Variants in LPIN3 observed in about 807,000 individuals in gnomAD.
LPIN3 encodes lipin 3.
Under a neutral mutation model 94.7 loss-of-function variants are expected in LPIN3, and 82 were observed. That is an observed-to-expected ratio of 0.87 (90% CI 0.72 to 1.04). LPIN3 has a LOEUF of 1.04. Ranked by LOEUF, LPIN3 falls within the 50% of genes least tolerant of loss-of-function variation. The pLI is 0.00. For synonymous variants in LPIN3, 418 were observed against 443.3 expected, an observed-to-expected ratio of 0.94 and a Z score of 0.72; for missense variants, 996 against 1,090.5, an observed-to-expected ratio of 0.91 and a Z score of 1.22.
At position 41,349,180 on chromosome 20, in the gene LPIN3, T is replaced by G; in HGVS notation, c.638+8T>G. ...GTGGCCCCCCCAGGCCAGGTAAGAG[T>G]CCAGGTGGGCTGCAGGCCAGGACTC... On this transcript the variant is annotated splice_region_variant and intron_variant, in intron 5 of 19. Coordinates refer to ENST00000373257, the MANE Select transcript of LPIN3 (RefSeq NM_022896.3). The G allele has an allele frequency of 2.5e-6, 4 of 1,613,230 alleles. No homozygotes were observed. The highest frequency in any genetic ancestry group is 2.5e-6 in the Non-Finnish European group (3 of 1,179,512).
At chr20:41,345,691 C>A in intron 1 of LPIN3, 105 bp from the exon 2 acceptor site, 1 of 1,216,552 alleles carries the variant, frequency 8.2e-7, no homozygotes, top group Non-Finnish European at 1.1e-6. Context: ...CACTCCAAGG[C>A]GTGACACAAA....
At chr20:41,348,182 C>A (rs548641499) in intron 3 of LPIN3, among the ~76,000 whole-genome samples, 2 of 152,290 alleles carry the variant, frequency 1.3e-5, no homozygotes, top group South Asian at 2.1e-4. Context: ...TGACGGGTGA[C>A]CCCTGCCTTC....
At position 41,355,950 on chromosome 20, in the gene LPIN3, C is replaced by T. The variant is rs2046192678; in HGVS notation, c.1719C>T (p.Ile573=). The part of the protein sequence containing the change: ...SDDDAPDSPV[I]LEIPSLPPST... ...ACGATGCCCCAGACAGCCCTGTGAT[C>T]CTGGAGATCCCCTCCTTGCCACCCT... The change falls in exon 14 of 20, where the codon ATC becomes ATT. Residue 573 remains isoleucine, a synonymous_variant. Transcript: ENST00000373257. The T allele has an allele frequency of 6.2e-7, 1 of 1,614,018 alleles. No homozygotes were observed. The highest frequency in any genetic ancestry group is 8.5e-7 in the Non-Finnish European group (1 of 1,180,010).
chr20:41,352,530 G>T, intron 9 of LPIN3, 76 bp from the exon 10 acceptor site: 1 of 1,280,368 alleles, frequency 7.8e-7, no homozygotes, highest in South Asian at 1.2e-5. Flanking sequence ...CAGCAGAGTG[G>T]GGAGCACCAG....
intron 17 of LPIN3, 30 bp from the exon 18 acceptor site, chr20:41,358,207 C>A (rs776478655): frequency 3.7e-6 from 6 of 1,609,496 alleles, no homozygotes; most frequent in Middle Eastern, 3.3e-4. Flanking sequence ...ACTTTGGCCC[C>A]CTTCCCTGCT....
In LPIN3 at chr20:41,345,982, C is replaced by A; in HGVS notation, c.179C>A (p.Ser60Ter). 1 of 1,613,420 alleles carries A rather than the reference C, an allele frequency of 6.2e-7. No individual in the cohort carries two copies. Among genetic ancestry groups the A allele is most frequent in the South Asian group, 1.1e-5 (1 of 90,996 alleles). ...VRFGKLGVLR[S>*]REKVVDIELN... Reference sequence around the variant, plus strand: ...TTTGGCAAGCTGGGCGTCCTGCGGTCGCGGGAGAAGGTGGTGAGTGCTCAG... The same window carrying A: ...TTTGGCAAGCTGGGCGTCCTGCGGTAGCGGGAGAAGGTGGTGAGTGCTCAG... The change falls in exon 2 of 20, where the codon TCG (serine) becomes TAG (stop). Residue 60 changes from serine (S) to a stop codon, truncating the protein, a stop_gained. Coordinates refer to ENST00000373257, the MANE Select transcript of LPIN3 (RefSeq NM_022896.3). LOFTEE classifies it high-confidence loss of function.
chr20:41,357,348 T>C lies in LPIN3; in HGVS notation c.1953-13T>C, dbSNP rs1165272168. 2 of 1,613,180 alleles carry C rather than the reference T, an allele frequency of 1.2e-6. No homozygotes were observed. Among genetic ancestry groups the C allele is most frequent in the Non-Finnish European group, 1.7e-6 (2 of 1,179,428 alleles). ...GGAGCTGCCTTGGAGTAACCCTTCC[T>C]CTCTCACTCTAGGTCAGATGCTCTG... On this transcript the variant is annotated splice_polypyrimidine_tract_variant and intron_variant, in intron 15 of 19. Coordinates refer to ENST00000373257, the MANE Select transcript of LPIN3 (RefSeq NM_022896.3).
rs1400347248 is a variant in LPIN3 at position 41,352,150 on chromosome 20, T to C, written c.1293T>C (p.Thr431=). ...DPNPEHEPEP[T]LDTVDTIALS... ...ACCCTGAACATGAACCTGAACCCAC[T>C]CTGGACACAGTGGATACAATAGCAC... Residue 431 remains threonine, a synonymous_variant, in exon 9 of 20, where the codon ACT becomes ACC. Coordinates refer to ENST00000373257, the MANE Select transcript of LPIN3 (RefSeq NM_022896.3). 11 of 1,614,072 alleles carry C rather than the reference T, an allele frequency of 6.8e-6. No homozygotes were observed. The African/African-American group carries it at 1.2e-4, about 18-fold the overall frequency.
intron 2 of LPIN3, 109 bp from the exon 3 acceptor site, chr20:41,347,443 A>T: frequency 1.0e-6 from 1 of 996,066 alleles, no homozygotes; most frequent in Non-Finnish European, 1.6e-6. Flanking sequence ...AACCCCAGCA[A>T]GTATGGTGTT....
At chr20:41,358,083 C>A in intron 17 of LPIN3, 49 bp downstream of exon 17, 1 of 1,572,134 alleles carries the variant, frequency 6.4e-7, no homozygotes, top group Non-Finnish European at 8.6e-7. Flanking sequence ...TGGGGAAAGG[C>A]AGGCCCACTG....
chr20:41,350,657 G>A (rs1453643206), intron 7 of LPIN3, among the ~76,000 whole-genome samples: 1 of 152,094 alleles, frequency 6.6e-6, no homozygotes, highest in African/African-American at 2.4e-5. Flanking sequence ...GGTGATGTTG[G>A]AGCTAAGACA....
At position 41,358,321 on chromosome 20, in the gene LPIN3, C is replaced by T. The variant is rs1569013445; in HGVS notation, c.2277C>T (p.Pro759=). The change falls in exon 18 of 20, where the codon CCC becomes CCT. Residue 759 remains proline (P), a synonymous_variant. Coordinates refer to ENST00000373257, the MANE Select transcript of LPIN3 (RefSeq NM_022896.3). ...IQQLFLPHGQ[P]FYAAFGNRPN... ...AGCTGTTTCTGCCCCACGGACAGCC[C>T]TTCTATGCTGCCTTTGGGAATAGGC... The T allele has an allele frequency of 6.2e-7, 1 of 1,614,188 alleles. No homozygotes were observed. Among genetic ancestry groups the T allele is most frequent in the East Asian group, 2.2e-5 (1 of 44,874 alleles).
In LPIN3 at chr20:41,354,666, A is replaced by G; in HGVS notation, c.1549A>G (p.Arg517Gly). 1 of 1,594,684 alleles carries G rather than the reference A, an allele frequency of 6.3e-7. No individual in the cohort carries two copies. Among genetic ancestry groups the G allele is most frequent in the Non-Finnish European group, 8.6e-7 (1 of 1,169,026 alleles). The change falls in exon 12 of 20, where the codon AGG becomes GGG. Residue 517 changes from arginine to glycine, a missense_variant. Arg to Gly is a moderately radical substitution (Grantham distance 125). Transcript: ENST00000373257. ...ACAGAGCACCATGGACAAGCTGGAG[A>G]GGGAGAAGATGCCCCGGAAGGGTGG... is the stretch of plus-strand genomic sequence containing the variant. The part of the protein sequence containing the change: ...LPKSTMDKLE[R>G]EKMPRKGGRW...
At chr20:41,354,931 G>A in intron 13 of LPIN3, 68 bp downstream of exon 13, 1 of 1,484,218 alleles carries the variant, frequency 6.7e-7, no homozygotes, top group Non-Finnish European at 9.1e-7. Context: ...GTGCAGGTGG[G>A]TGGCAGGGAG....
chr20:41,349,369 A>C (rs1250951819), intron 5 of LPIN3, among the ~76,000 whole-genome samples, 197 bp downstream of exon 5: 3 of 151,784 alleles, frequency 2.0e-5, no homozygotes, highest in African/African-American at 7.3e-5. Context: ...TAAATTTACC[A>C]TTTTAACTAT....
intron 16 of LPIN3, among the ~76,000 whole-genome samples, 192 bp downstream of exon 16, chr20:41,357,639 T>C (rs2046260019): frequency 6.6e-6 from 1 of 152,206 alleles, no homozygotes; most frequent in Non-Finnish European, 1.5e-5. Flanking sequence ...TGTTCTAGGA[T>C]CAGGGCCCAC....
intron 11 of LPIN3, among the ~76,000 whole-genome samples, chr20:41,353,387 C>T (rs1261071629): frequency 1.3e-5 from 2 of 152,204 alleles, no homozygotes; most frequent in African/African-American, 4.8e-5. Flanking sequence ...TCCCTGCTCT[C>T]AAAGGAAGAC....
At chr20:41,341,071 C>T (rs537019310) in intron 1 of LPIN3, 69 bp downstream of exon 1, 8 of 149,606 alleles carry the variant, frequency 5.3e-5, no homozygotes, top group Admixed American at 4.6e-4. Context: ...GTCCTGCCAT[C>T]CTACATTCCT....
intron 2 of LPIN3, 33 bp downstream of exon 2, chr20:41,346,028 C>A: frequency 6.3e-7 from 1 of 1,595,090 alleles, no homozygotes; most frequent in Non-Finnish European, 8.6e-7. Context: ...GTGGCTACTG[C>A]AGAGTGGGCT....
Sources: allele counts gnomAD v4.1 joint callset (sites outside exome capture counted in the v4.1 genomes callset), GRCh38; gene constraint gnomAD v4.1.1; transcripts MANE v1.5; gene names NCBI Gene and HGNC (gene_info 2026-07-23, HGNC 2026-07-21).